Variants in MEIS2 observed in about 807,000 individuals in gnomAD.
The protein encoded by MEIS2 is Meis homeobox 2, also known as homeobox protein Meis2.
MEIS2 carries 9 observed loss-of-function variants against 58.6 expected under a neutral mutation model. That is an observed-to-expected ratio of 0.15 (90% confidence interval 0.09 to 0.27). The LOEUF is 0.27. Ranked by LOEUF, MEIS2 falls within the 10% of genes least tolerant of loss-of-function variation. MEIS2 has a pLI of 1.00. For synonymous variants in MEIS2, 221 were observed against 228.4 expected (o/e 0.97, Z 0.29); for missense variants, 427 against 635.0 (o/e 0.67, Z 3.52).
At chr15:37,024,623 CAAAG>C (rs975832386) in intron 8 of MEIS2, among the ~76,000 whole-genome samples, 1 of 152,146 alleles carries the variant, frequency 6.6e-6, no homozygotes, top group Non-Finnish European at 1.5e-5. Flanking sequence ...TATGTAGAAT[CAAAG>C]AAAGCCTGAT....
At chr15:37,080,888 A>T (rs993471791) in intron 7 of MEIS2, among the ~76,000 whole-genome samples, 2 of 152,188 alleles carry the variant, frequency 1.3e-5, no homozygotes, top group East Asian at 1.9e-4. Flanking sequence ...AAGATATTTT[A>T]AAAATGTGAT....
At chr15:37,066,287 C>T (rs565230471) in intron 7 of MEIS2, 14 of 152,212 alleles carry the variant, frequency 9.2e-5, no homozygotes, top group South Asian at 2.1e-4. Context: ...ATAATAGAAG[C>T]GTGGCAGCCT....
chr15:36,926,313 A>G (rs2057746909), intron 9 of MEIS2, among the ~76,000 whole-genome samples: 1 of 152,180 alleles, frequency 6.6e-6, no homozygotes, highest in African/African-American at 2.4e-5. Context: ...CAAGGGAATG[A>G]AACTATTTAT....
At position 36,942,356 on chromosome 15, in the gene MEIS2, T is replaced by G. The variant is rs139405492; in HGVS notation, c.977+7968A>C. On this transcript the variant is annotated intron_variant, in intron 9 of 11. Coordinates refer to ENST00000561208, the MANE Select transcript of MEIS2 (RefSeq NM_170675.5). Reference sequence around the variant, plus strand: ...TTTTTCTACCCAGGTTTCTAATAATTTTGCAGATTAGAAAATGATTTTCCT... The same window carrying G: ...TTTTTCTACCCAGGTTTCTAATAATGTTGCAGATTAGAAAATGATTTTCCT... Among the ~76,000 whole-genome samples, 907 of 152,230 alleles carry G rather than the reference T, an allele frequency of 6.0e-3. 8 individuals are homozygous for G. Among genetic ancestry groups the G allele is most frequent in the African/African-American group, 0.021 (857 of 41,556 alleles).
chr15:36,988,424 A>C (rs1377968223), intron 8 of MEIS2, among the ~76,000 whole-genome samples: 1 of 152,058 alleles, frequency 6.6e-6, no homozygotes, highest in East Asian at 1.9e-4. Flanking sequence ...AATGAATGTT[A>C]GCTGACATTC....
At chr15:37,026,001 T>A (rs1475921375) in intron 8 of MEIS2, among the ~76,000 whole-genome samples, 1 of 152,074 alleles carries the variant, frequency 6.6e-6, no homozygotes, top group Non-Finnish European at 1.5e-5. Flanking sequence ...ACTGAGCCTA[T>A]AATTGAATAA....
At chr15:37,094,368 GC>G (rs1432510722) in intron 5 of MEIS2, 158 bp downstream of exon 5, 3 of 646,590 alleles carry the variant, frequency 4.6e-6, no homozygotes, top group Non-Finnish European at 7.9e-6. Flanking sequence ...CACCCTCTGA[GC>G]CCCTGTGTTG....
At chr15:37,000,003 C>A (rs1296369362) in intron 8 of MEIS2, among the ~76,000 whole-genome samples, 2 of 152,168 alleles carry the variant, frequency 1.3e-5, no homozygotes, top group African/African-American at 4.8e-5. Context: ...CTTCCTACCT[C>A]CCACATGGAA....
intron 9 of MEIS2, among the ~76,000 whole-genome samples, chr15:36,926,765 TC>T (rs1355745805): frequency 6.6e-6 from 1 of 152,180 alleles, no homozygotes; most frequent in East Asian, 1.9e-4. Flanking sequence ...TTACATCCTT[TC>T]TCTCTTTCTG....
At chr15:36,953,809 C>A (rs2141402351) in intron 8 of MEIS2, among the ~76,000 whole-genome samples, 1 of 152,256 alleles carries the variant, frequency 6.6e-6, no homozygotes, top group African/African-American at 2.4e-5. Context: ...TATCTTTATT[C>A]AAGATAGTGA....
intron 7 of MEIS2, among the ~76,000 whole-genome samples, chr15:37,071,971 C>A (rs924862184): frequency 6.6e-6 from 1 of 152,044 alleles, no homozygotes; most frequent in Non-Finnish European, 1.5e-5. Flanking sequence ...AAGAAAACTA[C>A]CTCGACTATG....
chr15:36,901,474 T>C (rs16964266), intron 9 of MEIS2, among the ~76,000 whole-genome samples: 1,878 of 152,290 alleles, frequency 0.012, 31 homozygotes, highest in African/African-American at 0.043. Flanking sequence ...GTCGCAGACA[T>C]AAGTTTTCCA....
At chr15:36,994,520 A>G (rs2060407796) in intron 8 of MEIS2, among the ~76,000 whole-genome samples, 1 of 152,162 alleles carries the variant, frequency 6.6e-6, no homozygotes, top group South Asian at 2.1e-4. Context: ...TCGTAATGGT[A>G]AATTTTTATT....
rs1595893493 is a variant in MEIS2, at chr15:36,997,432, C to A, written c.900+39382G>T. On this transcript the variant is annotated intron_variant, in intron 8 of 11. Transcript: ENST00000561208. ...TCCCAGTGTCACAGGGTTGGAAGGGCCCATGGATAATACATAATTCAGTAT... is the reference window on the plus strand; with the variant it reads ...TCCCAGTGTCACAGGGTTGGAAGGGACCATGGATAATACATAATTCAGTAT... Among the ~76,000 whole-genome samples, 10 of 151,708 alleles carry A rather than the reference C, an allele frequency of 6.6e-5. No homozygotes were observed. In the South Asian group the frequency reaches 1.9e-3, roughly 28 times the overall value.
At chr15:37,079,234 CAATT>C (rs1235443469) in intron 7 of MEIS2, among the ~76,000 whole-genome samples, 1 of 151,634 alleles carries the variant, frequency 6.6e-6, no homozygotes, top group Non-Finnish European at 1.5e-5. Flanking sequence ...TTTTTTGACA[CAATT>C]AGGAGGACAG....
At chr15:36,989,385 C>T (rs899013684) in intron 8 of MEIS2, among the ~76,000 whole-genome samples, 11 of 152,148 alleles carry the variant, frequency 7.2e-5, no homozygotes, top group African/African-American at 2.2e-4. Context: ...TGACAGTATT[C>T]GCGTTTGAAA....
intron 8 of MEIS2, among the ~76,000 whole-genome samples, chr15:36,955,649 C>G (rs1345378590): frequency 6.6e-6 from 1 of 152,126 alleles, no homozygotes; most frequent in Non-Finnish European, 1.5e-5. Flanking sequence ...CTTTCTCTGA[C>G]AAACATATAC....
chr15:37,097,335 C>T (rs1013018315), intron 2 of MEIS2: 6 of 152,194 alleles, frequency 3.9e-5, no homozygotes, highest in African/African-American at 7.2e-5. Flanking sequence ...GCCAAGTGCT[C>T]TCAGAATATA....
chr15:37,015,429 C>G (rs539184389), intron 8 of MEIS2, among the ~76,000 whole-genome samples: 4 of 151,812 alleles, frequency 2.6e-5, no homozygotes, highest in African/African-American at 7.2e-5. Context: ...TTCTTTTCCC[C>G]CTTTGTTTTG....
Sources: allele counts gnomAD v4.1 joint callset (sites outside exome capture counted in the v4.1 genomes callset), GRCh38; gene constraint gnomAD v4.1.1; transcripts MANE v1.5; gene names NCBI Gene and HGNC (gene_info 2026-07-23, HGNC 2026-07-21).